The following PTPRD variants were observed in gnomAD, a reference collection of about 807,000 sequenced individuals.
The protein encoded by PTPRD is protein tyrosine phosphatase receptor type D.
In PTPRD, 34 loss-of-function variants were observed where a neutral mutation model predicts 214.5. The observed-to-expected ratio is 0.16, with a 90% CI of 0.12 to 0.21. The LOEUF (loss-of-function observed/expected upper bound fraction) is 0.21, where lower values mean the gene tolerates loss of function less well. PTPRD is among the 10% of genes least tolerant of loss of function. The probability of loss-of-function intolerance (pLI) is 1.00; values close to 1 mark genes in which losing one functional copy is unlikely to be tolerated. For synonymous variants in PTPRD, 1,128 were observed against 845.7 expected, an observed-to-expected ratio of 1.33 and a Z score of -5.79; for missense variants, 2,545 against 2,398.7, an observed-to-expected ratio of 1.06 and a Z score of -1.27.
At chr9:9,414,681 C>A (rs2076494119) in intron 8 of PTPRD, 1 of 152,118 alleles carries the variant, frequency 6.6e-6, no homozygotes, top group Non-Finnish European at 1.5e-5. Flanking sequence ...TTTGACAGGA[C>A]AATTTACCCT....
intron 4 of PTPRD, among the ~76,000 whole-genome samples, chr9:10,017,375 G>A (rs1014950860): frequency 6.6e-6 from 1 of 150,836 alleles, no homozygotes; most frequent in Non-Finnish European, 1.5e-5. Flanking sequence ...TAATTTTTTG[G>A]CTTTACTAAT....
chr9:10,002,281 A>G (rs894552012), intron 4 of PTPRD, among the ~76,000 whole-genome samples: 1 of 149,082 alleles, frequency 6.7e-6, no homozygotes, highest in Non-Finnish European at 1.5e-5. Flanking sequence ...CATACAAAAA[A>G]AGTAAAATGG....
chr9:8,656,114 G>A (rs908271745), intron 12 of PTPRD, among the ~76,000 whole-genome samples: 2 of 151,858 alleles, frequency 1.3e-5, no homozygotes, highest in African/African-American at 2.4e-5. Flanking sequence ...TCAAAATACT[G>A]CCCAACAGCC....
chr9:9,291,533 A>G (rs1231595943), intron 9 of PTPRD, among the ~76,000 whole-genome samples: 2 of 151,352 alleles, frequency 1.3e-5, no homozygotes, highest in African/African-American at 4.8e-5. Flanking sequence ...GGGATTTCCC[A>G]GTGTTTTTTG....
chr9:8,867,420 C>G (rs1304508848), intron 11 of PTPRD, among the ~76,000 whole-genome samples: 1 of 152,152 alleles, frequency 6.6e-6, no homozygotes, highest in Non-Finnish European at 1.5e-5. Flanking sequence ...ACAGTTGGCA[C>G]TCATGCTTTT....
chr9:9,127,657 G>A (rs2099836159), intron 10 of PTPRD, among the ~76,000 whole-genome samples: 1 of 152,144 alleles, frequency 6.6e-6, no homozygotes, highest in South Asian at 2.1e-4. Context: ...GCTAAATAAG[G>A]GAATGAGCTT....
chr9:9,486,015 G>T (rs967282484), intron 8 of PTPRD, among the ~76,000 whole-genome samples: 1 of 151,816 alleles, frequency 6.6e-6, no homozygotes, highest in Non-Finnish European at 1.5e-5. Context: ...GCAGGGCGTG[G>T]TGGCTTACGC....
chr9:10,031,641 T>TACACACACACACAC (rs1332974172), intron 4 of PTPRD, among the ~76,000 whole-genome samples: 15 of 74,176 alleles, frequency 2.0e-4, no homozygotes, highest in African/African-American at 1.5e-3. Context: ...TATATATATA[T>TACACACACACACAC]ATATATACAC....
intron 3 of PTPRD, among the ~76,000 whole-genome samples, chr9:10,255,503 G>A (rs1272737840): frequency 1.3e-5 from 2 of 152,180 alleles, no homozygotes; most frequent in Non-Finnish European, 2.9e-5. Flanking sequence ...ATGAATGGAG[G>A]CTATAGGACT....
Position 9,133,880 on chromosome 9 carries a change from A to T in PTPRD, c.-143+49424T>A, listed in dbSNP as rs1481523424. On this transcript the variant is annotated intron_variant, in intron 10 of 45. Transcript: ENST00000381196. ...ACAGTCCCAATTTACCCAGACCACA[A>T]CAGCACTGAAAGGGAACTGGGTAAG... Among the ~76,000 whole-genome samples the T allele has an allele frequency of 2.6e-5, 4 of 152,056 alleles. No individual in the cohort carries two copies. The East Asian group carries it at 5.8e-4, about 22-fold the overall frequency.
At chr9:9,580,921 T>C (rs944456733) in intron 7 of PTPRD, among the ~76,000 whole-genome samples, 13 of 152,064 alleles carry the variant, frequency 8.5e-5, no homozygotes, top group African/African-American at 2.9e-4. Flanking sequence ...AAATTCTGGA[T>C]AAACAGTCCC....
rs543516711 is a variant in PTPRD, at chr9:8,732,086, G to T, written c.64+1694C>A. Among the ~76,000 whole-genome samples the T allele has an allele frequency of 3.9e-5, 6 of 152,304 alleles. No homozygotes were observed. In the Middle Eastern group the frequency reaches 0.014, roughly 345 times the overall value. ...ACAGCATAAGAAGTGTGATGAAGAA[G>T]AACGAGAGGAAGATGGAGGAGAAAA... is the stretch of plus-strand genomic sequence containing the variant. On this transcript the variant is annotated intron_variant, in intron 12 of 45. Coordinates refer to ENST00000381196, the MANE Select transcript of PTPRD (RefSeq NM_002839.4).
At chr9:8,376,861 G>C (rs2083406190) in intron 37 of PTPRD, 135 bp from the exon 38 acceptor site, 4 of 1,190,806 alleles carry the variant, frequency 3.4e-6, no homozygotes, top group Non-Finnish European at 4.7e-6. Context: ...ATGCATTTTT[G>C]TTATCCCAAT....
At chr9:10,070,508 T>C (rs930448490) in intron 3 of PTPRD, among the ~76,000 whole-genome samples, 3 of 151,978 alleles carry the variant, frequency 2.0e-5, no homozygotes. Context: ...TAAGAAATGC[T>C]GCAACAGAAA....
At chr9:8,864,250 T>C (rs1432236885) in intron 11 of PTPRD, among the ~76,000 whole-genome samples, 1 of 152,224 alleles carries the variant, frequency 6.6e-6, no homozygotes, top group African/African-American at 2.4e-5. Flanking sequence ...AAATTTGTAC[T>C]GTTTAAGAGA....
chr9:8,695,637 T>C (rs2097896322), intron 12 of PTPRD, among the ~76,000 whole-genome samples: 2 of 152,210 alleles, frequency 1.3e-5, no homozygotes, highest in South Asian at 2.1e-4. Context: ...AAACATTTTA[T>C]TCTATTTTCT....
intron 8 of PTPRD, among the ~76,000 whole-genome samples, chr9:9,411,262 C>CTTTTT (rs34617237): frequency 0.22 from 30,391 of 139,654 alleles, 3,708 homozygotes; most frequent in Non-Finnish European, 0.26. Context: ...AGCATTGTGT[C>CTTTTT]TTTTTTTTTT....
intron 10 of PTPRD, among the ~76,000 whole-genome samples, chr9:9,130,749 C>A (rs759326209): frequency 3.9e-5 from 6 of 152,068 alleles, no homozygotes; most frequent in African/African-American, 7.2e-5. Context: ...GAATGGAAAT[C>A]TTTGATTGAG....
chr9:8,448,356 A>T (rs888649201), intron 34 of PTPRD, among the ~76,000 whole-genome samples: 1 of 152,076 alleles, frequency 6.6e-6, no homozygotes, highest in South Asian at 2.1e-4. Context: ...ACAAACAACC[A>T]AAAACAAAAA....
Sources: allele counts gnomAD v4.1 joint callset (sites outside exome capture counted in the v4.1 genomes callset), GRCh38; gene constraint gnomAD v4.1.1; transcripts MANE v1.5; gene names NCBI Gene and HGNC (gene_info 2026-07-23, HGNC 2026-07-21).